Variants in DOCK7 observed in about 807,000 individuals in gnomAD.
DOCK7 encodes the protein dedicator of cytokinesis 7.
Under a neutral mutation model 271.0 loss-of-function variants are expected in DOCK7, and 138 were observed. The observed-to-expected ratio is 0.51, with a 90% CI of 0.44 to 0.59. DOCK7 has a LOEUF of 0.59. DOCK7 is among the 20% of genes least tolerant of loss of function. The pLI is 0.00. For missense variants in DOCK7, 2,066 were observed against 2,592.4 expected (o/e 0.80, Z 4.41); for synonymous variants, 823 against 876.1 (o/e 0.94, Z 1.07).
chr1:62,493,712 A>G (rs1381781143), intron 40 of DOCK7, among the ~76,000 whole-genome samples: 2 of 152,332 alleles, frequency 1.3e-5, no homozygotes, highest in African/African-American at 4.8e-5. Context: ...ATCAGAAGAT[A>G]TAACATTTAA....
chr1:62,670,025 G>C (rs1659770644), intron 1 of DOCK7, among the ~76,000 whole-genome samples: 1 of 152,266 alleles, frequency 6.6e-6, no homozygotes, highest in Admixed American at 6.5e-5. Flanking sequence ...GGGGGACTTA[G>C]CACCCGGGCC....
intron 4 of DOCK7, among the ~76,000 whole-genome samples, chr1:62,651,618 CTTTTTTCACTAATCAAAATTTTAAT>C (rs1316367185): frequency 2.7e-5 from 4 of 150,732 alleles, no homozygotes; most frequent in Non-Finnish European, 5.9e-5. Flanking sequence ...GTCTGTAATA[CTTTTTTCACTAATCAAAATTTTAAT>C]TTCCAAAGAT....
intron 14 of DOCK7, among the ~76,000 whole-genome samples, chr1:62,598,338 T>C (rs1427247269): frequency 2.0e-5 from 3 of 152,066 alleles, no homozygotes; most frequent in Non-Finnish European, 4.4e-5. Context: ...GTCATTACAC[T>C]ATTGTAAATT....
intron 23 of DOCK7, 96 bp from the exon 24 acceptor site, chr1:62,543,841 T>C: frequency 1.2e-6 from 1 of 806,286 alleles, no homozygotes; most frequent in African/African-American, 1.7e-5. Flanking sequence ...AAAACAGAGT[T>C]TTATTATGGT....
Position 62,631,364 on chromosome 1 carries a change from C to T in DOCK7, c.1158G>A (p.Gln386=). Residue 386 remains glutamine, a synonymous_variant, in exon 11 of 50, where the codon CAG becomes CAA. Transcript: ENST00000635253. ...GATATTTCCCAAGTCTTTGGCAAAA[C>T]TGATCTGCTTGACTCTTCAGTTTCT... is the stretch of plus-strand genomic sequence containing the variant. The part of the protein sequence containing the change: ...KLEKLKSQAD[Q]FCQRLGKYRM... 1.2e-6 allele frequency: 2 copies of T among 1,612,336 alleles called. No homozygotes were observed. The highest frequency in any genetic ancestry group is 1.7e-6 in the Non-Finnish European group (2 of 1,179,540).
intron 22 of DOCK7, among the ~76,000 whole-genome samples, chr1:62,545,362 C>T (rs1433770186): frequency 6.6e-6 from 1 of 152,004 alleles, no homozygotes; most frequent in Non-Finnish European, 1.5e-5. Context: ...AAAGATAGTA[C>T]AAGTTAGCAA....
At chr1:62,532,792 C>A (rs558031201) in intron 29 of DOCK7, among the ~76,000 whole-genome samples, 20 of 152,068 alleles carry the variant, frequency 1.3e-4, no homozygotes, top group Admixed American at 8.5e-4. Flanking sequence ...AGTGCAAAGG[C>A]CTGAAGGTGG....
intron 5 of DOCK7, 22 bp from the exon 6 acceptor site, chr1:62,648,340 A>G (rs753348181): frequency 1.4e-6 from 2 of 1,468,122 alleles, no homozygotes; most frequent in Non-Finnish European, 1.8e-6. Context: ...AACATTAAAT[A>G]TAAATATATT....
Position 62,535,590 on chromosome 1 carries a change from T to A in DOCK7, c.3514A>T (p.Asn1172Tyr). Residue 1172 changes from asparagine to tyrosine, a missense_variant, in exon 29 of 50, where the codon AAT becomes TAT. By Grantham distance (143) the Asn-to-Tyr change is moderately radical. This residue lies in a region of DOCK7 where 1,414 missense variants were observed against 1,670.4 expected (regional missense o/e 0.85). Coordinates refer to ENST00000635253, the MANE Select transcript of DOCK7 (RefSeq NM_001367561.1). ...STNVQDQKIA[N>Y]MFELSVPFRQ... The stretch of plus-strand genomic sequence containing the variant: ...AAAGGCACGGATAATTCAAACATAT[T>A]TGCAATCTTTTGGTCTTGTACATTC... 1 of 1,613,958 alleles carries A rather than the reference T, an allele frequency of 6.2e-7. No individual in the cohort carries two copies. The highest frequency in any genetic ancestry group is 1.1e-5 in the South Asian group (1 of 91,034).
intron 15 of DOCK7, chr1:62,584,122 T>C (rs1647236859): frequency 1.0e-6 from 1 of 972,180 alleles, no homozygotes; most frequent in Admixed American, 6.2e-5. Context: ...ACTCAAAGTT[T>C]ATTATTTATA....
At chr1:62,469,286 T>C (rs1236224114) in intron 48 of DOCK7, among the ~76,000 whole-genome samples, 1 of 152,176 alleles carries the variant, frequency 6.6e-6, no homozygotes, top group Non-Finnish European at 1.5e-5. Flanking sequence ...AGCCAACTGA[T>C]CTTCGACAAA....
intron 1 of DOCK7, among the ~76,000 whole-genome samples, chr1:62,686,638 G>A (rs1431213625): frequency 6.6e-6 from 1 of 152,092 alleles, no homozygotes; most frequent in African/African-American, 2.4e-5. Flanking sequence ...ACTATCCTAC[G>A]CACATTACAC....
chr1:62,543,425 A>T (rs1645599250), intron 24 of DOCK7: 1 of 317,172 alleles, frequency 3.2e-6, no homozygotes, highest in Non-Finnish European at 5.8e-6. Flanking sequence ...AATTCACTAA[A>T]TCCTAAAAAT....
chr1:62,598,717 A>AATAG (rs775395156), intron 14 of DOCK7: 1 of 1,609,710 alleles, frequency 6.2e-7, no homozygotes, highest in Admixed American at 1.7e-5. Flanking sequence ...AAAACAAGAT[A>AATAG]ATAGCATCAA....
At chr1:62,460,098 CAAAAAAAA>C (rs71053316) in intron 48 of DOCK7, among the ~76,000 whole-genome samples, 675 of 66,080 alleles carry the variant, frequency 0.01, 10 homozygotes, top group African/African-American at 0.04. Context: ...AGACTCGTCT[CAAAAAAAA>C]AAAAAAAAAA....
intron 9 of DOCK7, among the ~76,000 whole-genome samples, chr1:62,634,185 C>G (rs1334722677): frequency 6.6e-6 from 1 of 151,746 alleles, no homozygotes; most frequent in Non-Finnish European, 1.5e-5. Flanking sequence ...TACAAATAAA[C>G]TTAACCAAGA....
intron 1 of DOCK7, among the ~76,000 whole-genome samples, chr1:62,673,555 A>G (rs1348746233): frequency 6.6e-6 from 1 of 152,136 alleles, no homozygotes; most frequent in African/African-American, 2.4e-5. Context: ...AACAGAGAGA[A>G]AAGAAAAGTA....
At chr1:62,610,433 G>T (rs1191453578) in intron 14 of DOCK7, among the ~76,000 whole-genome samples, 1 of 151,876 alleles carries the variant, frequency 6.6e-6, no homozygotes, top group African/African-American at 2.4e-5. Context: ...CAGTATATAA[G>T]ATTTTGTCAT....
intron 14 of DOCK7, among the ~76,000 whole-genome samples, chr1:62,617,814 G>A (rs924762507): frequency 2.6e-5 from 4 of 151,802 alleles, no homozygotes; most frequent in African/African-American, 9.7e-5. Context: ...GATCTAGATG[G>A]TGACAGACTA....
Sources: allele counts gnomAD v4.1 joint callset (sites outside exome capture counted in the v4.1 genomes callset), GRCh38; gene constraint gnomAD v4.1.1; regional missense constraint gnomAD v4.1.1; transcripts MANE v1.5; gene names NCBI Gene and HGNC (gene_info 2026-07-23, HGNC 2026-07-21).